Variants in SNURF observed in about 807,000 individuals in gnomAD.
SNURF encodes the protein SNURF protein.
In SNURF, 6 loss-of-function variants were observed where a neutral mutation model predicts 11.6. That is an observed-to-expected ratio of 0.52 (90% CI 0.28 to 1.02). The LOEUF (loss-of-function observed/expected upper bound fraction) is 1.02. Among genes scored for constraint, SNURF ranks in the 50% least tolerant of loss-of-function variants. The pLI is 0.09. For missense variants in SNURF, 84 were observed against 88.4 expected, an observed-to-expected ratio of 0.95 and a Z score of 0.20; for synonymous variants, 29 against 31.6, an observed-to-expected ratio of 0.92 and a Z score of 0.27.
At chr15:24,959,252 C>T (rs1566955355) in intron 1 of SNURF, among the ~76,000 whole-genome samples, 1 of 152,102 alleles carries the variant, frequency 6.6e-6, no homozygotes, top group African/African-American at 2.4e-5. Flanking sequence ...TAGATAAATG[C>T]ATGTGTGTGT....
At chr15:24,969,596 A>C (rs1458047830), downstream of SNURF, among the ~76,000 whole-genome samples, 1 of 151,474 alleles carries the variant, frequency 6.6e-6, no homozygotes, top group South Asian at 2.1e-4. Context: ...GGTGTGCACA[A>C]CTGATTTTTT....
chr15:24,960,564 G>A (rs1317147764), intron 1 of SNURF, among the ~76,000 whole-genome samples: 5 of 152,034 alleles, frequency 3.3e-5, no homozygotes, highest in African/African-American at 7.2e-5. Context: ...TCAAGTGATC[G>A]CTGGCCTCAG....
intron 3 of SNURF, chr15:24,974,349 T>C: frequency 9.6e-7 from 1 of 1,046,968 alleles, no homozygotes; most frequent in Non-Finnish European, 1.5e-6. Context: ...CAGCTTGCAT[T>C]GTTTCTAGGA....
At chr15:24,969,189 T>C (rs906598389), downstream of SNURF, among the ~76,000 whole-genome samples, 4 of 152,114 alleles carry the variant, frequency 2.6e-5, no homozygotes, top group African/African-American at 4.8e-5. Flanking sequence ...AGTGCAGTGG[T>C]ATGGTTTCGG....
exon 5 of SNURF, chr15:24,976,409 C>G (rs1481471945): frequency 4.4e-6 from 7 of 1,605,670 alleles, no homozygotes; most frequent in Non-Finnish European, 6.0e-6. Context: ...GGGCCACCCC[C>G]CAAAGATGTA....
intron 3 of SNURF, chr15:24,975,248 T>G: frequency 1.3e-6 from 1 of 797,674 alleles, no homozygotes; most frequent in Non-Finnish European, 2.0e-6. Flanking sequence ...AATATTTGTT[T>G]AGTTAAGGAA....
rs201259332 is a variant in SNURF at position 24,955,075 on chromosome 15, G to A, written c.14+13G>A. 1.1e-4 allele frequency: 182 copies of A among 1,613,408 alleles called. No homozygotes were observed. The highest frequency in any genetic ancestry group is 1.5e-4 in the Non-Finnish European group (174 of 1,180,010). On this transcript the variant is annotated intron_variant, in intron 1 of 2. Coordinates refer to ENST00000577949, the Ensembl canonical transcript of SNURF. ...TGGAGCGGGCAAGGTCAGCTGTGCC[G>A]GTGGCTTCTCTCAAGAGACAGCCTG...
chr15:24,968,319 G>GT (rs997261284), exon 3 of SNURF: 129 of 302,294 alleles, frequency 4.3e-4, no homozygotes, highest in African/African-American at 1.9e-3. Flanking sequence ...TTTCTTTTGC[G>GT]TTTTTTTTAA....
intron 2 of SNURF, among the ~76,000 whole-genome samples, chr15:24,963,139 C>T (rs925315962): frequency 1.3e-5 from 2 of 151,992 alleles, no homozygotes; most frequent in African/African-American, 4.8e-5. Flanking sequence ...CATACGACAC[C>T]GTGCTGTCTG....
At chr15:24,955,592 C>T (rs1449257268) in intron 1 of SNURF, among the ~76,000 whole-genome samples, 3 of 118,236 alleles carry the variant, frequency 2.5e-5, no homozygotes, top group African/African-American at 1.0e-4. Context: ...GAGCAGGGTA[C>T]GTGGGGCGAC....
intron 2 of SNURF, among the ~76,000 whole-genome samples, chr15:24,965,743 C>CT (rs1377003720): frequency 1.3e-5 from 2 of 152,030 alleles, no homozygotes; most frequent in Non-Finnish European, 1.5e-5. Context: ...ATTCTGCACT[C>CT]TATGAATTAA....
chr15:24,968,030 G>A lies in SNURF; in HGVS notation c.209G>A (p.Gly70Asp), dbSNP rs1445775068. The stretch of plus-strand genomic sequence containing the variant: ...GCATTCTTAGCTGAGACACCAAGAG[G>A]TGGTTAAAGCCATATTGGAGTAGCG... The change falls in exon 3 of 3, where the codon GGT becomes GAT. Residue 70 changes from glycine to aspartate, a missense_variant. Physicochemically the swap from Gly to Asp is moderately conservative, Grantham distance 94. Transcript: ENST00000577949. The A allele has an allele frequency of 6.2e-7, 1 of 1,614,060 alleles. No homozygotes were observed. Among genetic ancestry groups the A allele is most frequent in the Admixed American group, 1.7e-5 (1 of 60,020 alleles).
intron 4 of SNURF, among the ~76,000 whole-genome samples, chr15:24,975,704 AC>A (rs2076981929): frequency 6.6e-6 from 1 of 152,212 alleles, no homozygotes; most frequent in East Asian, 1.9e-4. Context: ...AGTTTGTAAA[AC>A]AATCATGGAT....
At chr15:24,978,029 A>G, downstream of SNURF, 1 of 1,229,930 alleles carries the variant, frequency 8.1e-7, no homozygotes. Flanking sequence ...TCCTTCTTCT[A>G]GATACTGGTT....
At chr15:24,978,113 C>T, downstream of SNURF, 1 of 1,446,198 alleles carries the variant, frequency 6.9e-7, no homozygotes, top group South Asian at 1.2e-5. Flanking sequence ...TGGCCCATTT[C>T]TTTAGGGATT....
At chr15:24,957,775 C>T (rs985224018) in intron 1 of SNURF, among the ~76,000 whole-genome samples, 21 of 151,962 alleles carry the variant, frequency 1.4e-4, no homozygotes, top group African/African-American at 5.1e-4. Context: ...AGTTCACATA[C>T]ATATATTTCT....
intron 2 of SNURF, among the ~76,000 whole-genome samples, chr15:24,965,599 A>G (rs2075498241): frequency 6.6e-6 from 1 of 152,176 alleles, no homozygotes; most frequent in South Asian, 2.1e-4. Flanking sequence ...CTTTCAGTGT[A>G]TTTGTCACTA....
downstream of SNURF, among the ~76,000 whole-genome samples, chr15:24,971,543 A>G (rs2076407743): frequency 6.6e-6 from 1 of 151,348 alleles, no homozygotes. Context: ...ATTATGATAT[A>G]TATATAAATA....
chr15:24,956,812 GCA>G (rs2063001793), intron 1 of SNURF, among the ~76,000 whole-genome samples: 1 of 152,170 alleles, frequency 6.6e-6, no homozygotes, highest in Non-Finnish European at 1.5e-5. Flanking sequence ...TAGAGGCCAG[GCA>G]TTTGTACCAC....
Sources: gnomAD v4.1 joint callset for allele counts (sites outside exome capture counted in the v4.1 genomes callset) on GRCh38, gnomAD v4.1.1 for gene constraint, MANE v1.5 for transcripts, NCBI Gene and HGNC (gene_info 2026-07-23, HGNC 2026-07-21) for gene names.